The following CPM variants were observed in gnomAD, a reference collection of about 807,000 sequenced individuals.
CPM encodes the protein carboxypeptidase M.
CPM carries 35 observed loss-of-function variants against 46.4 expected under a neutral mutation model. The ratio of observed to expected loss-of-function variants is 0.75; its 90% CI spans 0.58 to 1.00. The LOEUF (loss-of-function observed/expected upper bound fraction) is 1.00. Ranked by LOEUF, CPM falls within the 50% of genes least tolerant of loss-of-function variation. The probability of loss-of-function intolerance (pLI) is 0.00; values close to 1 mark genes in which losing one functional copy is unlikely to be tolerated. For missense variants in CPM, 422 were observed against 530.4 expected, an observed-to-expected ratio of 0.80 and a Z score of 2.01; for synonymous variants, 195 against 195.3, an observed-to-expected ratio of 1.00 and a Z score of 0.01.
chr12:68,845,025 C>T (rs1266431777), intron 5 of CPM: 2 of 200,092 alleles, frequency 1.0e-5, no homozygotes, highest in Admixed American at 6.0e-5. Context: ...GCCTTGGCCC[C>T]CCAAAGTGCT....
At chr12:68,842,396 TTATC>T in intron 5 of CPM, 2 of 492,078 alleles carry the variant, frequency 4.1e-6, no homozygotes, top group Admixed American at 4.6e-5. Flanking sequence ...AAAAATCTCA[TTATC>T]TATAACCATT....
At chr12:68,927,782 G>A (rs1888330984) in intron 2 of CPM, among the ~76,000 whole-genome samples, 1 of 152,090 alleles carries the variant, frequency 6.6e-6, no homozygotes, top group African/African-American at 2.4e-5. Context: ...GCTTCAAAGA[G>A]AATAAAATAC....
chr12:68,865,664 G>A (rs1450689807), intron 7 of CPM, among the ~76,000 whole-genome samples: 1 of 151,674 alleles, frequency 6.6e-6, no homozygotes, highest in African/African-American at 2.4e-5. Context: ...TCTCCATGTG[G>A]TATCATAGCT....
chr12:68,892,530 TCA>T (rs1407398728), intron 2 of CPM, among the ~76,000 whole-genome samples: 5 of 152,164 alleles, frequency 3.3e-5, no homozygotes, highest in African/African-American at 1.2e-4. Flanking sequence ...CTCCCTGCAC[TCA>T]GTTTGAATGC....
At chr12:68,929,714 AAC>A (rs1216835603) in intron 2 of CPM, among the ~76,000 whole-genome samples, 7 of 152,226 alleles carry the variant, frequency 4.6e-5, no homozygotes, top group African/African-American at 1.7e-4. Flanking sequence ...CCCTGTTTAT[AAC>A]AGAGTTAACC....
In CPM at chr12:68,887,260, A is replaced by C. The variant is rs1377333801; in HGVS notation, c.161-1371T>G. 2.0e-5 allele frequency among the ~76,000 whole-genome samples: 3 copies of C among 152,236 alleles called. 1 individual carries two copies. Among genetic ancestry groups the C allele is most frequent in the African/African-American group, 7.2e-5 (3 of 41,464 alleles). On this transcript the variant is annotated intron_variant, in intron 2 of 8. Transcript: ENST00000551568. ...TCCGTCATGTATGTACAAAGTTTAA[A>C]TATCTGTAATAATTAAGCCTCTGTG... is the stretch of plus-strand genomic sequence containing the variant.
intron 2 of CPM, among the ~76,000 whole-genome samples, chr12:68,914,452 A>G (rs1887726307): frequency 6.6e-6 from 1 of 152,228 alleles, no homozygotes; most frequent in Non-Finnish European, 1.5e-5. Flanking sequence ...CTGCTCTTGA[A>G]TGGCTTGCCT....
intron 1 of CPM, among the ~76,000 whole-genome samples, chr12:68,950,612 A>G (rs1888918806): frequency 6.6e-6 from 1 of 152,194 alleles, no homozygotes; most frequent in South Asian, 2.1e-4. Context: ...ACTGTAGCTC[A>G]CATACATTGT....
chr12:68,902,022 T>A (rs1294357936), intron 2 of CPM, among the ~76,000 whole-genome samples: 1 of 152,214 alleles, frequency 6.6e-6, no homozygotes, highest in African/African-American at 2.4e-5. Context: ...ACCAAACCTT[T>A]GTTGCTTTAA....
intron 1 of CPM, among the ~76,000 whole-genome samples, chr12:68,947,818 A>T (rs114334763): frequency 4.4e-4 from 66 of 151,088 alleles, no homozygotes; most frequent in South Asian, 6.3e-4. Context: ...CTTTTTTAAA[A>T]TTTTTTTTTA....
At chr12:68,937,652 A>T (rs1225321842), upstream of CPM, among the ~76,000 whole-genome samples, 1 of 152,218 alleles carries the variant, frequency 6.6e-6, no homozygotes, top group African/African-American at 2.4e-5. Context: ...TAAAATAAAT[A>T]GTAAGATCTC....
chr12:68,888,206 T>C (rs902007632), intron 2 of CPM, among the ~76,000 whole-genome samples: 2 of 152,238 alleles, frequency 1.3e-5, no homozygotes, highest in African/African-American at 4.8e-5. Flanking sequence ...TTTATAACTA[T>C]GCATCTGCAA....
At chr12:68,931,763 A>AAAAAAAAGAAAGAAAGAAAG (rs1482981614) in intron 2 of CPM, among the ~76,000 whole-genome samples, 1 of 132,504 alleles carries the variant, frequency 7.5e-6, no homozygotes, top group Admixed American at 7.6e-5. Flanking sequence ...AAAAAAAAAA[A>AAAAAAAAGAAAGAAAGAAAG]AAAGAAAGAA....
rs531533897 is a variant in CPM, at chr12:68,905,034, G to A, written c.161-19145C>T. Among the ~76,000 whole-genome samples, 55 of 151,884 alleles carry A rather than the reference G, an allele frequency of 3.6e-4. No homozygotes were observed. In the South Asian group the frequency reaches 4.2e-3, roughly 12 times the overall value. On this transcript the variant is annotated intron_variant, in intron 2 of 8. Transcript: ENST00000551568. ...AGCAATTCTCCTGCCTCAGCCTCCC[G>A]AGTAGCTGGAATTACATGCATGCAC...
At chr12:68,960,496 C>T (rs1487701758) in intron 1 of CPM, among the ~76,000 whole-genome samples, 1 of 152,122 alleles carries the variant, frequency 6.6e-6, no homozygotes, top group Non-Finnish European at 1.5e-5. Flanking sequence ...TCAGTATGAC[C>T]ATTGTGTATA....
chr12:68,853,353 A>G lies in CPM; in HGVS notation c.*3084T>C, dbSNP rs1203221490. On this transcript the variant is annotated 3_prime_UTR_variant, in exon 9 of 9. Transcript: ENST00000551568. The stretch of plus-strand genomic sequence containing the variant: ...ATTATGTACTTTCAAGTATATAATT[A>G]CTGCTTCTTTAAATACAAATGATCA... 6.6e-6 allele frequency: 1 copy of G among 152,236 alleles called. No homozygotes were observed. The highest frequency in any genetic ancestry group is 1.5e-5 in the Non-Finnish European group (1 of 68,040). 9.4% of individuals were successfully genotyped at this position (152,236 alleles called of 1,614,324 possible).
intron 1 of CPM, among the ~76,000 whole-genome samples, chr12:68,952,219 A>G (rs1040400743): frequency 6.6e-6 from 1 of 152,204 alleles, no homozygotes; most frequent in Non-Finnish European, 1.5e-5. Flanking sequence ...GAATGCAAAT[A>G]TGTTTTGGGT....
intron 1 of CPM, among the ~76,000 whole-genome samples, chr12:68,951,569 T>C (rs1453387612): frequency 6.6e-6 from 1 of 152,074 alleles, no homozygotes; most frequent in Non-Finnish European, 1.5e-5. Context: ...GAAGAGGGTA[T>C]TATGTGTGCA....
intron 2 of CPM, among the ~76,000 whole-genome samples, chr12:68,893,531 G>C (rs1430461974): frequency 6.6e-6 from 1 of 152,206 alleles, no homozygotes; most frequent in African/African-American, 2.4e-5. Context: ...GTCTTGTGCT[G>C]CTGTGATAAG....
Sources: gnomAD v4.1 joint callset for allele counts (sites outside exome capture counted in the v4.1 genomes callset) on GRCh38, gnomAD v4.1.1 for gene constraint, MANE v1.5 for transcripts, NCBI Gene and HGNC (gene_info 2026-07-23, HGNC 2026-07-21) for gene names.